The following TBC1D32 variants were observed in gnomAD, a reference collection of about 807,000 sequenced individuals.
TBC1D32 encodes the protein protein broad-minded.
In TBC1D32, 151 loss-of-function variants were observed where a neutral mutation model predicts 170.3. The observed-to-expected ratio is 0.89, with a 90% CI of 0.78 to 1.01. The LOEUF is 1.01. Ranked by LOEUF, TBC1D32 falls within the 50% of genes least tolerant of loss-of-function variation. The pLI, the probability that TBC1D32 is intolerant of heterozygous loss-of-function variation, is 0.00. For synonymous variants in TBC1D32, 498 were observed against 488.0 expected (o/e 1.02, Z -0.27); for missense variants, 1,464 against 1,457.1 (o/e 1.00, Z -0.08).
chr6:121,143,102 T>G (rs914522903), intron 24 of TBC1D32, among the ~76,000 whole-genome samples: 1 of 152,170 alleles, frequency 6.6e-6, no homozygotes, highest in Non-Finnish European at 1.5e-5. Flanking sequence ...AGTTACAACA[T>G]TAGTACGTAT....
chr6:121,269,016 T>C (rs984733949), intron 15 of TBC1D32, among the ~76,000 whole-genome samples: 6 of 152,080 alleles, frequency 3.9e-5, no homozygotes, highest in African/African-American at 1.4e-4. Flanking sequence ...CAAACTAAGC[T>C]TCAAAAGTGA....
chr6:121,316,388 G>C (rs887138598), intron 3 of TBC1D32, among the ~76,000 whole-genome samples: 1 of 152,084 alleles, frequency 6.6e-6, no homozygotes, highest in African/African-American at 2.4e-5. Flanking sequence ...TTTAAGTCCA[G>C]AAAGTCCTTG....
chr6:121,254,447 C>A (rs766150419), intron 17 of TBC1D32, among the ~76,000 whole-genome samples: 23 of 152,148 alleles, frequency 1.5e-4, no homozygotes, highest in Admixed American at 2.6e-4. Flanking sequence ...AAAATGAGAT[C>A]TAAAAATTAC....
At chr6:121,241,015 T>C (rs1395385683) in intron 19 of TBC1D32, among the ~76,000 whole-genome samples, 4 of 152,074 alleles carry the variant, frequency 2.6e-5, no homozygotes. Flanking sequence ...ACAAATGCTT[T>C]CAAGAAGAAA....
intron 22 of TBC1D32, chr6:121,170,303 G>A: frequency 3.5e-6 from 4 of 1,136,246 alleles, no homozygotes; most frequent in Non-Finnish European, 4.8e-6. Flanking sequence ...ATTGAATTTA[G>A]AAAGCAGAAA....
chr6:121,128,294 C>T (rs1781066839), intron 25 of TBC1D32, among the ~76,000 whole-genome samples: 1 of 152,058 alleles, frequency 6.6e-6, no homozygotes. Flanking sequence ...TGTAACAATG[C>T]TAAAAATTGA....
chr6:121,108,492 T>A (rs1474639677), intron 29 of TBC1D32, among the ~76,000 whole-genome samples: 1 of 152,070 alleles, frequency 6.6e-6, no homozygotes. Flanking sequence ...ATCTAATTAA[T>A]AGTCTAATAT....
intron 26 of TBC1D32, among the ~76,000 whole-genome samples, chr6:121,125,699 A>G (rs1186856138): frequency 1.3e-5 from 2 of 152,292 alleles, no homozygotes; most frequent in East Asian, 1.9e-4. Flanking sequence ...CTGCTGTAGA[A>G]GAGACTAGAG....
chr6:121,180,505 A>T (rs1215014526), intron 22 of TBC1D32, among the ~76,000 whole-genome samples: 4 of 152,100 alleles, frequency 2.6e-5, no homozygotes, highest in Non-Finnish European at 5.9e-5. Flanking sequence ...GGGAAGAAAC[A>T]CTCTCTAATA....
intron 22 of TBC1D32, among the ~76,000 whole-genome samples, chr6:121,191,887 G>C (rs1583155800): frequency 6.6e-6 from 1 of 151,960 alleles, no homozygotes; most frequent in South Asian, 2.1e-4. Flanking sequence ...GAAAAGGCGA[G>C]ACTGGCCTAG....
intron 15 of TBC1D32, among the ~76,000 whole-genome samples, chr6:121,274,512 G>GAAA (rs199812961): frequency 7.2e-6 from 1 of 139,652 alleles, no homozygotes; most frequent in Admixed American, 7.1e-5. Context: ...TAGAATTTCA[G>GAAA]AAAAAAAAAA....
Position 121,294,771 on chromosome 6 carries a change from T to C in TBC1D32, c.1141-111A>G, listed in dbSNP as rs182482274. ...ACTTTGGAGAAATATTTGAGAAAAA[T>C]ATTTAGTACAGTACCTTTCTAGCCC... On this transcript the variant is annotated intron_variant, in intron 10 of 31. Transcript: ENST00000398212. 198 of 845,566 alleles carry C rather than the reference T, an allele frequency of 2.3e-4. 2 individuals carry two copies. The African/African-American group carries it at 3.2e-3, about 14-fold the overall frequency. The allele number at this position is 845,566 out of a possible 1,614,324, so 52.4% of individuals were successfully genotyped here.
intron 2 of TBC1D32, among the ~76,000 whole-genome samples, chr6:121,320,681 C>T (rs892123070): frequency 2.6e-5 from 4 of 152,034 alleles, no homozygotes; most frequent in Admixed American, 6.6e-5. Flanking sequence ...TGTATGATGT[C>T]AATTTGTCAA....
chr6:121,328,112 A>C (rs1474004896), intron 1 of TBC1D32, among the ~76,000 whole-genome samples: 1 of 152,146 alleles, frequency 6.6e-6, no homozygotes, highest in East Asian at 1.9e-4. Context: ...GATTTCACAT[A>C]TTCCAATTGT....
chr6:121,181,756 C>T (rs137907181), intron 22 of TBC1D32, among the ~76,000 whole-genome samples: 5 of 152,126 alleles, frequency 3.3e-5, no homozygotes, highest in Admixed American at 6.6e-5. Context: ...ATAAAGAAAA[C>T]GTAATACATT....
intron 30 of TBC1D32, among the ~76,000 whole-genome samples, chr6:121,103,572 T>G (rs889877745): frequency 1.9e-5 from 2 of 108,030 alleles, no homozygotes; most frequent in Non-Finnish European, 3.4e-5. Flanking sequence ...CATTACACTC[T>G]GGGGCCTGTT....
intron 20 of TBC1D32, among the ~76,000 whole-genome samples, chr6:121,230,201 C>T (rs1583308239): frequency 6.6e-6 from 1 of 152,168 alleles, no homozygotes; most frequent in East Asian, 1.9e-4. Flanking sequence ...AATTGATTCT[C>T]GATCATCCTC....
intron 31 of TBC1D32, among the ~76,000 whole-genome samples, chr6:121,083,270 T>C (rs758192142): frequency 3.3e-5 from 5 of 152,052 alleles, no homozygotes; most frequent in African/African-American, 9.7e-5. Context: ...CCACTTTATA[T>C]TAACCGTATA....
At chr6:121,249,086 C>G (rs1398601526) in intron 17 of TBC1D32, among the ~76,000 whole-genome samples, 5 of 151,694 alleles carry the variant, frequency 3.3e-5, no homozygotes, top group African/African-American at 1.2e-4. Flanking sequence ...AACAACATAT[C>G]AAATAGGTAA....
Sources: gnomAD v4.1 joint callset for allele counts (sites outside exome capture counted in the v4.1 genomes callset) on GRCh38, gnomAD v4.1.1 for gene constraint, MANE v1.5 for transcripts, NCBI Gene and HGNC (gene_info 2026-07-23, HGNC 2026-07-21) for gene names.